Variants in NKAIN2 observed in about 807,000 individuals in gnomAD.
NKAIN2 encodes sodium/potassium-transporting ATPase subunit beta-1-interacting protein 2.
A neutral mutation model predicts 32.6 loss-of-function variants in NKAIN2; 14 were observed. The observed-to-expected ratio is 0.43, with a 90% CI of 0.28 to 0.67. The LOEUF is 0.67. NKAIN2 is among the 30% of genes least tolerant of loss of function. The pLI is 0.17. For missense variants in NKAIN2, 198 were observed against 258.3 expected, an observed-to-expected ratio of 0.77 and a Z score of 1.60; for synonymous variants, 80 against 87.2, an observed-to-expected ratio of 0.92 and a Z score of 0.46.
intron 4 of NKAIN2, among the ~76,000 whole-genome samples, chr6:124,768,533 C>G (rs1027084840): frequency 2.0e-5 from 3 of 152,138 alleles, no homozygotes; most frequent in Non-Finnish European, 4.4e-5. Context: ...AATAACGAAT[C>G]ACACCATCCT....
intron 4 of NKAIN2, among the ~76,000 whole-genome samples, chr6:124,743,755 A>G (rs950027841): frequency 2.6e-4 from 39 of 151,874 alleles, no homozygotes; most frequent in African/African-American, 9.2e-4. Context: ...CCCAACTTTC[A>G]AAGAGAAAGT....
intron 1 of NKAIN2, among the ~76,000 whole-genome samples, chr6:124,219,114 A>G (rs1791652613): frequency 1.3e-5 from 2 of 152,096 alleles, no homozygotes; most frequent in Admixed American, 1.3e-4. Context: ...GAGGATTACA[A>G]TTTAAGGTGA....
chr6:124,299,205 T>C (rs1796195142), intron 2 of NKAIN2, among the ~76,000 whole-genome samples: 1 of 152,100 alleles, frequency 6.6e-6, no homozygotes, highest in Non-Finnish European at 1.5e-5. Flanking sequence ...AGCAGCAGTG[T>C]AAGAGATATC....
intron 3 of NKAIN2, among the ~76,000 whole-genome samples, chr6:124,572,746 AAG>A (rs1781175634): frequency 6.6e-6 from 1 of 152,264 alleles, no homozygotes; most frequent in South Asian, 2.1e-4. Context: ...ATTTTATAAA[AAG>A]AGGTTAAATT....
chr6:124,804,493 T>C, intron 5 of NKAIN2: 1 of 945,918 alleles, frequency 1.1e-6, no homozygotes, highest in Non-Finnish European at 1.3e-6. Context: ...GCTTAAAATA[T>C]TAAAGATCTG....
At chr6:124,080,308 G>C (rs1783899243) in intron 1 of NKAIN2, among the ~76,000 whole-genome samples, 1 of 152,142 alleles carries the variant, frequency 6.6e-6, no homozygotes, top group Non-Finnish European at 1.5e-5. Context: ...CTTGTTCCTA[G>C]AAGCTAGAAT....
At chr6:123,958,277 A>G (rs577051548) in intron 1 of NKAIN2, among the ~76,000 whole-genome samples, 1 of 152,340 alleles carries the variant, frequency 6.6e-6, no homozygotes, top group Admixed American at 6.5e-5. Flanking sequence ...ATCATCAGGA[A>G]AAGAAACAGG....
chr6:124,076,757 A>T (rs1783714886), intron 1 of NKAIN2, among the ~76,000 whole-genome samples: 1 of 152,192 alleles, frequency 6.6e-6, no homozygotes, highest in Non-Finnish European at 1.5e-5. Context: ...TTTAGGCTTA[A>T]TATTTGCAAA....
chr6:124,502,395 T>A (rs1400023556), intron 3 of NKAIN2, among the ~76,000 whole-genome samples: 1 of 152,216 alleles, frequency 6.6e-6, no homozygotes, highest in African/African-American at 2.4e-5. Context: ...AAAGTCTTCC[T>A]GCCACTTCTT....
intron 1 of NKAIN2, among the ~76,000 whole-genome samples, chr6:124,157,274 C>T: frequency 6.6e-6 from 1 of 151,642 alleles, no homozygotes; most frequent in Non-Finnish European, 1.5e-5. Context: ...CACATACACA[C>T]ACACACACAC....
chr6:124,744,487 T>C (rs1777366120), intron 4 of NKAIN2, among the ~76,000 whole-genome samples: 1 of 151,838 alleles, frequency 6.6e-6, no homozygotes. Flanking sequence ...TAAAAAACAA[T>C]AATAAGTAGG....
chr6:123,867,174 T>C (rs1187293293), intron 1 of NKAIN2, among the ~76,000 whole-genome samples: 1 of 152,214 alleles, frequency 6.6e-6, no homozygotes, highest in African/African-American at 2.4e-5. Context: ...TAGGTATCTC[T>C]CATCTTTTAT....
chr6:124,480,219 G>A (rs1777389925), intron 3 of NKAIN2, among the ~76,000 whole-genome samples: 1 of 152,102 alleles, frequency 6.6e-6, no homozygotes, highest in African/African-American at 2.4e-5. Flanking sequence ...TGTCTGTACA[G>A]CACATTGAGA....
chr6:124,028,560 G>C (rs938812457), intron 1 of NKAIN2, among the ~76,000 whole-genome samples: 10 of 151,314 alleles, frequency 6.6e-5, no homozygotes, highest in Non-Finnish European at 1.3e-4. Context: ...TAAAAAAAAG[G>C]AAATGGACTA....
intron 1 of NKAIN2, among the ~76,000 whole-genome samples, chr6:124,229,549 C>T (rs201993131): frequency 6.2e-5 from 7 of 113,402 alleles, no homozygotes; most frequent in East Asian, 3.0e-4. Flanking sequence ...GACAGACAGA[C>T]AGACAGACAG....
intron 1 of NKAIN2, among the ~76,000 whole-genome samples, chr6:123,863,888 T>G (rs1775885257): frequency 6.6e-6 from 1 of 152,210 alleles, no homozygotes; most frequent in Non-Finnish European, 1.5e-5. Context: ...AATGCTATGT[T>G]ATAAATCCAG....
Position 123,882,735 on chromosome 6 carries a change from C to T in NKAIN2, c.54+78481C>T, listed in dbSNP as rs187594999. On this transcript the variant is annotated intron_variant, in intron 1 of 6. Transcript: ENST00000368417. ...AATTTTACAGCACAAATTTGTAGTC[C>T]ATTAATTATGATGATTTATTCAATA... 2.9e-3 allele frequency among the ~76,000 whole-genome samples: 443 copies of T among 152,196 alleles called. 5 individuals are homozygous for T. The highest frequency in any genetic ancestry group is 0.024 in the Middle Eastern group (7 of 294).
At chr6:124,304,313 C>T (rs1239004983) in intron 2 of NKAIN2, among the ~76,000 whole-genome samples, 1 of 152,138 alleles carries the variant, frequency 6.6e-6, no homozygotes, top group Non-Finnish European at 1.5e-5. Context: ...TATTGCTCTG[C>T]ATTTATTAAT....
chr6:124,527,762 G>A (rs1562239155), intron 3 of NKAIN2, among the ~76,000 whole-genome samples: 1 of 152,096 alleles, frequency 6.6e-6, no homozygotes, highest in East Asian at 1.9e-4. Flanking sequence ...CTGAGTCAGT[G>A]GAAATTTGCA....
Sources: gnomAD v4.1 joint callset for allele counts (sites outside exome capture counted in the v4.1 genomes callset) on GRCh38, gnomAD v4.1.1 for gene constraint, MANE v1.5 for transcripts, NCBI Gene and HGNC (gene_info 2026-07-23, HGNC 2026-07-21) for gene names.